The following MYO16 variants were observed in gnomAD, a reference collection of about 807,000 sequenced individuals.
MYO16 encodes the protein myosin XVI.
Under a neutral mutation model 205.3 loss-of-function variants are expected in MYO16, and 94 were observed. The observed-to-expected ratio is 0.46, with a 90% CI of 0.39 to 0.54. The LOEUF (loss-of-function observed/expected upper bound fraction) is 0.54. Ranked by LOEUF, MYO16 falls within the 20% of genes least tolerant of loss-of-function variation. MYO16 has a pLI of 0.00. For synonymous variants in MYO16, 988 were observed against 954.0 expected (o/e 1.04, Z -0.66); for missense variants, 2,315 against 2,387.5 (o/e 0.97, Z 0.63).
At chr13:108,961,681 A>G (rs775625675) in intron 18 of MYO16, 25 bp downstream of exon 18, 9 of 1,552,366 alleles carry the variant, frequency 5.8e-6, no homozygotes, top group African/African-American at 4.1e-5. Flanking sequence ...ACCTTCTGAC[A>G]TTAACCACAT....
At chr13:108,563,333 T>A in the MYO16 span, among the ~76,000 whole-genome samples, 1 of 152,154 alleles carries the variant, frequency 6.6e-6, no homozygotes, top group South Asian at 2.1e-4. Flanking sequence ...TTTCAAACAA[T>A]CCAATTATAC....
intron 20 of MYO16, among the ~76,000 whole-genome samples, chr13:108,966,158 C>A (rs996239623): frequency 2.6e-5 from 4 of 152,012 alleles, no homozygotes; most frequent in Admixed American, 2.6e-4. Flanking sequence ...CATATTTCAG[C>A]AGAAATATTG....
chr13:108,972,813 CAAT>C (rs1419240849), intron 20 of MYO16, among the ~76,000 whole-genome samples: 1 of 151,764 alleles, frequency 6.6e-6, no homozygotes, highest in East Asian at 2.0e-4. Context: ...GGGTTAGAAA[CAAT>C]GATATTTCCT....
the MYO16 span, among the ~76,000 whole-genome samples, chr13:108,500,417 A>G: frequency 6.0e-5 from 9 of 149,948 alleles, no homozygotes; most frequent in Middle Eastern, 3.5e-3. Context: ...TTTAGTAGAG[A>G]TGGGGTTTCA....
intron 1 of MYO16, among the ~76,000 whole-genome samples, chr13:108,637,326 A>G (rs1880300473): frequency 6.6e-6 from 1 of 152,000 alleles, no homozygotes; most frequent in African/African-American, 2.4e-5. Context: ...CTACTTGGGT[A>G]CCCTTCCTTT....
chr13:108,815,380 A>G (rs991800476), intron 7 of MYO16, among the ~76,000 whole-genome samples: 3 of 152,206 alleles, frequency 2.0e-5, no homozygotes, highest in Non-Finnish European at 4.4e-5. Context: ...AGATGGGCCC[A>G]GTGTAATCAC....
At chr13:108,499,224 TA>T in the MYO16 span, among the ~76,000 whole-genome samples, 4 of 152,254 alleles carry the variant, frequency 2.6e-5, no homozygotes, top group African/African-American at 9.6e-5. Flanking sequence ...TATAAAAATT[TA>T]TTAACAATTC....
intron 2 of MYO16, among the ~76,000 whole-genome samples, chr13:108,702,407 C>T (rs966605452): frequency 4.6e-5 from 7 of 152,050 alleles, no homozygotes; most frequent in Non-Finnish European, 8.8e-5. Context: ...ATTCAAAGTG[C>T]TAAAAAGGAA....
chr13:108,946,014 G>T (rs1292072964), intron 16 of MYO16, among the ~76,000 whole-genome samples: 1 of 152,062 alleles, frequency 6.6e-6, no homozygotes, highest in Non-Finnish European at 1.5e-5. Context: ...TGTGCCTGGG[G>T]GTAGACATGC....
intron 10 of MYO16, among the ~76,000 whole-genome samples, chr13:108,852,388 C>G (rs1594344428): frequency 6.6e-6 from 1 of 152,276 alleles, no homozygotes; most frequent in African/African-American, 2.4e-5. Context: ...TCCGCCTGTT[C>G]CCCAGTGGTT....
chr13:108,929,103 T>A (rs947741459), intron 16 of MYO16, among the ~76,000 whole-genome samples: 1 of 152,206 alleles, frequency 6.6e-6, no homozygotes, highest in African/African-American at 2.4e-5. Context: ...TAAAATTAAC[T>A]GTAAATGAAA....
intron 27 of MYO16, among the ~76,000 whole-genome samples, chr13:109,099,265 T>A (rs990159073): frequency 2.0e-5 from 3 of 152,240 alleles, no homozygotes; most frequent in African/African-American, 4.8e-5. Flanking sequence ...ATTTGCTTTT[T>A]ATCTAACATT....
chr13:108,620,816 C>T (rs1187828281), intron 1 of MYO16, among the ~76,000 whole-genome samples: 1 of 152,166 alleles, frequency 6.6e-6, no homozygotes, highest in Non-Finnish European at 1.5e-5. Context: ...TCTCCTGCTC[C>T]AATAATTTCC....
Position 108,836,546 on chromosome 13 carries a change from A to G in MYO16, c.1098-7797A>G, listed in dbSNP as rs866455400. On this transcript the variant is annotated intron_variant, in intron 9 of 34. Transcript: ENST00000457511. Reference sequence around the variant, plus strand: ...GGTAGAACCACTGAAAGCTTGCACCATGCACCTGGAAAAGCTGCAGACCCT... The same window carrying G: ...GGTAGAACCACTGAAAGCTTGCACCGTGCACCTGGAAAAGCTGCAGACCCT... 1.8e-4 allele frequency among the ~76,000 whole-genome samples: 27 copies of G among 152,264 alleles called. 1 individual carries two copies. The highest frequency in any genetic ancestry group is 5.2e-4 in the Admixed American group (8 of 15,290).
At chr13:108,902,383 G>C (rs1364220497) in intron 15 of MYO16, among the ~76,000 whole-genome samples, 1 of 152,222 alleles carries the variant, frequency 6.6e-6, no homozygotes, top group African/African-American at 2.4e-5. Flanking sequence ...ATGTCTCCCA[G>C]AGTAGCTTAA....
the MYO16 span, among the ~76,000 whole-genome samples, chr13:108,539,072 G>A: frequency 2.0e-5 from 3 of 152,106 alleles, no homozygotes; most frequent in South Asian, 4.1e-4. Context: ...ACTAGCTACA[G>A]CACCAGATTT....
chr13:108,577,765 C>T, the MYO16 span, among the ~76,000 whole-genome samples: 3 of 152,266 alleles, frequency 2.0e-5, no homozygotes, highest in South Asian at 2.1e-4. Flanking sequence ...GAAAGGTGAT[C>T]GAGAAGTCTT....
intron 1 of MYO16, among the ~76,000 whole-genome samples, chr13:108,665,075 C>G (rs1281302095): frequency 6.6e-6 from 1 of 152,052 alleles, no homozygotes; most frequent in Non-Finnish European, 1.5e-5. Context: ...TCCACTGTAT[C>G]ATATAAGGAG....
At chr13:108,855,276 G>GTTT (rs5806761) in intron 10 of MYO16, 167 bp from the exon 11 acceptor site, 25 of 316,086 alleles carry the variant, frequency 7.9e-5, no homozygotes, top group East Asian at 2.9e-4. Context: ...TGGCTTTAGA[G>GTTT]TTTTTTTTTT....
Sources: allele counts gnomAD v4.1 joint callset (sites outside exome capture counted in the v4.1 genomes callset), GRCh38; gene constraint gnomAD v4.1.1; transcripts MANE v1.5; gene names NCBI Gene and HGNC (gene_info 2026-07-23, HGNC 2026-07-21).